The following NEK9 variants were observed in gnomAD, a reference collection of about 807,000 sequenced individuals.
NEK9 encodes NIMA related kinase 9.
NEK9 carries 75 observed loss-of-function variants against 123.4 expected under a neutral mutation model. That is an observed-to-expected ratio of 0.61 (90% CI 0.50 to 0.74). The LOEUF (loss-of-function observed/expected upper bound fraction) is 0.74. Ranked by LOEUF, NEK9 falls within the 30% of genes least tolerant of loss-of-function variation. The probability of loss-of-function intolerance (pLI) is 0.00; values close to 1 mark genes in which losing one functional copy is unlikely to be tolerated. For synonymous variants in NEK9, 438 were observed against 458.7 expected (o/e 0.95, Z 0.58); for missense variants, 952 against 1,214.4 (o/e 0.78, Z 3.21).
In NEK9 at chr14:75,082,932, AGTACTAAT is replaced by A. The variant is rs1239014240; in HGVS notation, c.*1624_*1631del. The stretch of plus-strand genomic sequence containing the variant: ...AAGAAAAGGTTTCAGTGATTACATT[AGTACTAAT>A]GTACTAGGCTTCCCAGAACTGAGAA... On this transcript the variant is annotated 3_prime_UTR_variant, in exon 22 of 22. Coordinates refer to ENST00000238616, the MANE Select transcript of NEK9 (RefSeq NM_033116.6). 9 of 398,544 alleles carry A rather than the reference AGTACTAAT, an allele frequency of 2.3e-5. No individual in the cohort carries two copies. The highest frequency in any genetic ancestry group is 1.9e-4 in the African/African-American group (9 of 48,644). The allele number at this position is 398,544 out of a possible 1,614,324, so 24.7% of individuals were successfully genotyped here.
At chr14:75,086,137 C>T (rs1398689875) in intron 21 of NEK9, among the ~76,000 whole-genome samples, 2 of 151,058 alleles carry the variant, frequency 1.3e-5, no homozygotes, top group African/African-American at 2.4e-5. Flanking sequence ...TGCAGTAAGC[C>T]GAGATCACGC....
intron 12 of NEK9, 110 bp downstream of exon 12, chr14:75,106,392 C>G: frequency 3.0e-5 from 17 of 568,274 alleles, no homozygotes; most frequent in East Asian, 6.9e-5. Flanking sequence ...AAAAGATTTA[C>G]TGAATTAACA....
rs372222151 is a variant in NEK9 at position 75,102,959 on chromosome 14, C to T, written c.1731+883G>A. On this transcript the variant is annotated intron_variant, in intron 14 of 21. Coordinates refer to ENST00000238616, the MANE Select transcript of NEK9 (RefSeq NM_033116.6). ...ATTGCAAGGACAAAAAATCAAACACCGCATGTTCTCACTCATAGGTGGGAA... is the reference window on the plus strand; with the variant it reads ...ATTGCAAGGACAAAAAATCAAACACTGCATGTTCTCACTCATAGGTGGGAA... 6.3e-4 allele frequency among the ~76,000 whole-genome samples: 95 copies of T among 151,840 alleles called. No individual in the cohort carries two copies. The East Asian group carries it at 0.016, about 26-fold the overall frequency.
At chr14:75,085,788 G>A (rs1894002117) in intron 21 of NEK9, among the ~76,000 whole-genome samples, 1 of 152,122 alleles carries the variant, frequency 6.6e-6, no homozygotes, top group Non-Finnish European at 1.5e-5. Flanking sequence ...TACTTGGGGG[G>A]CTGAGGTCAG....
In NEK9 at chr14:75,126,911, A is replaced by C; in HGVS notation, c.11T>G (p.Leu4Arg). ...ATCGCAGTGTCGCTCGTACTCGCCC[A>C]GCACCGACATGGCGGCGGCCGCGGG... MSV[L>R]GEYERHCDSI... Residue 4 changes from leucine to arginine, a missense_variant, in exon 1 of 22, where the codon CTG (leucine) becomes CGG (arginine). Physicochemically the swap from Leu to Arg is moderately radical, Grantham distance 102. Transcript: ENST00000238616. 1 of 1,481,290 alleles carries C rather than the reference A, an allele frequency of 6.8e-7. No homozygotes were observed. The highest frequency in any genetic ancestry group is 1.5e-5 in the African/African-American group (1 of 68,200). 91.8% of individuals were successfully genotyped at this position (1,481,290 alleles called of 1,614,324 possible). A position where few individuals can be genotyped will look rare whatever the true frequency, so the allele number is the denominator to read the frequency against.
chr14:75,123,206 G>A (rs1594854702), intron 2 of NEK9, among the ~76,000 whole-genome samples: 1 of 152,010 alleles, frequency 6.6e-6, no homozygotes, highest in East Asian at 1.9e-4. Context: ...TTCGAGACCA[G>A]TCTGGCCAAC....
chr14:75,091,590 A>T, intron 18 of NEK9, 112 bp from the exon 19 acceptor site: 2 of 857,312 alleles, frequency 2.3e-6, no homozygotes, highest in Non-Finnish European at 3.3e-6. Context: ...ATGAAGTGCA[A>T]TGGCAACAGT....
chr14:75,122,789 C>CTTTTT (rs35799337), intron 2 of NEK9, among the ~76,000 whole-genome samples: 22 of 80,120 alleles, frequency 2.7e-4, no homozygotes, highest in Middle Eastern at 0.01. Flanking sequence ...CCACGCCCAG[C>CTTTTT]TTTTTTTTTT....
chr14:75,113,189 C>T, intron 8 of NEK9, 150 bp downstream of exon 8: 1 of 685,548 alleles, frequency 1.5e-6, no homozygotes, highest in Non-Finnish European at 2.6e-6. Context: ...TCAGATGCCA[C>T]CCCTAAGCAA....
At chr14:75,110,471 C>G (rs994577352) in intron 8 of NEK9, 100 bp from the exon 9 acceptor site, 2 of 864,062 alleles carry the variant, frequency 2.3e-6, no homozygotes, top group Admixed American at 4.2e-5. Context: ...CTCTTATAAA[C>G]TGTATGCATC....
chr14:75,096,418 T>C (rs1894386178), intron 17 of NEK9, among the ~76,000 whole-genome samples: 1 of 152,212 alleles, frequency 6.6e-6, no homozygotes, highest in South Asian at 2.1e-4. Context: ...GTAATCTTTA[T>C]GCAGAAAGTG....
At chr14:75,120,801 TATATA>T in intron 3 of NEK9, 1 of 583,234 alleles carries the variant, frequency 1.7e-6, no homozygotes, top group Non-Finnish European at 3.0e-6. Context: ...GTCATTATAA[TATATA>T]GTATGGTAAA....
intron 18 of NEK9, among the ~76,000 whole-genome samples, chr14:75,094,112 G>A (rs1235001393): frequency 6.6e-6 from 1 of 152,212 alleles, no homozygotes; most frequent in Admixed American, 6.5e-5. Flanking sequence ...AGTTTTGACA[G>A]ATATTAATAT....
intron 21 of NEK9, 61 bp downstream of exon 21, chr14:75,086,957 T>A: frequency 6.6e-7 from 1 of 1,523,390 alleles, no homozygotes; most frequent in South Asian, 1.1e-5. Flanking sequence ...TACTTTGTGT[T>A]TTGTTTCTGT....
intron 2 of NEK9, among the ~76,000 whole-genome samples, chr14:75,122,493 A>G (rs768258384): frequency 1.3e-5 from 2 of 152,108 alleles, no homozygotes; most frequent in African/African-American, 4.8e-5. Flanking sequence ...ACAATCCTAG[A>G]AAGTAGGTAC....
intron 2 of NEK9, 148 bp from the exon 3 acceptor site, chr14:75,121,322 CA>C (rs1447771545): frequency 3.4e-6 from 2 of 586,380 alleles, no homozygotes; most frequent in Non-Finnish European, 6.1e-6. Flanking sequence ...CACATGGGCA[CA>C]AAACTCTTCC....
chr14:75,094,721 A>T (rs926330710), intron 18 of NEK9, among the ~76,000 whole-genome samples: 1 of 152,210 alleles, frequency 6.6e-6, no homozygotes, highest in African/African-American at 2.4e-5. Flanking sequence ...CAGAGGATGC[A>T]GTGAGCCGAG....
At chr14:75,107,211 G>C (rs1457310244) in intron 11 of NEK9, 132 bp downstream of exon 11, 1 of 874,278 alleles carries the variant, frequency 1.1e-6, no homozygotes, top group Non-Finnish European at 1.7e-6. Context: ...TTATTAATGA[G>C]TATATTTGCT....
At position 75,120,723 on chromosome 14, in the gene NEK9, G is replaced by C. The variant is rs545369833; in HGVS notation, c.454-143C>G. ...ACTTGACATCTCTTCCTTGCAGGTT[G>C]AGTAGGCAAAGAAAAGTGAAGGGGT... On this transcript the variant is annotated intron_variant, in intron 3 of 21. Transcript: ENST00000238616. 6.1e-6 allele frequency: 4 copies of C among 660,546 alleles called. No homozygotes were observed. In the South Asian group the frequency reaches 7.9e-5, roughly 13 times the overall value. 40.9% of individuals were successfully genotyped at this position (660,546 alleles called of 1,614,324 possible).
Sources: allele counts gnomAD v4.1 joint callset (sites outside exome capture counted in the v4.1 genomes callset), GRCh38; gene constraint gnomAD v4.1.1; transcripts MANE v1.5; gene names NCBI Gene and HGNC (gene_info 2026-07-23, HGNC 2026-07-21).